Variants in NDFIP2 observed in about 807,000 individuals in gnomAD.
The protein encoded by NDFIP2 is NEDD4 family-interacting protein 2.
NDFIP2 carries 19 observed loss-of-function variants against 36.0 expected under a neutral mutation model. That is an observed-to-expected ratio of 0.53 (90% confidence interval 0.37 to 0.77). NDFIP2 has a LOEUF of 0.77. Among genes scored for constraint, NDFIP2 ranks in the 30% least tolerant of loss-of-function variants. The pLI, the probability that NDFIP2 is intolerant of heterozygous loss-of-function variation, is 0.00. For synonymous variants in NDFIP2, 181 were observed against 167.7 expected, an observed-to-expected ratio of 1.08 and a Z score of -0.61; for missense variants, 446 against 435.8, an observed-to-expected ratio of 1.02 and a Z score of -0.21.
At chr13:79,547,101 C>T (rs1469837743) in intron 5 of NDFIP2, among the ~76,000 whole-genome samples, 2 of 151,714 alleles carry the variant, frequency 1.3e-5, no homozygotes, top group Non-Finnish European at 2.9e-5. Flanking sequence ...ACTGAAATTA[C>T]TATAAATGGT....
chr13:79,518,384 G>A (rs1482713778), intron 1 of NDFIP2, among the ~76,000 whole-genome samples: 1 of 152,130 alleles, frequency 6.6e-6, no homozygotes, highest in African/African-American at 2.4e-5. Context: ...TTTAGGCATG[G>A]TTATGACAGT....
intron 7 of NDFIP2, 93 bp from the exon 8 acceptor site, chr13:79,552,423 A>G (rs1407381618): frequency 6.6e-6 from 1 of 151,790 alleles, no homozygotes; most frequent in Non-Finnish European, 1.5e-5. Context: ...TATATACTTA[A>G]TATAATTCTT....
rs1875965713 is a variant in NDFIP2 at position 79,553,042 on chromosome 13, T to G, written c.*529T>G. 1 of 151,832 alleles carries G rather than the reference T, an allele frequency of 6.6e-6. No homozygotes were observed. The highest frequency in any genetic ancestry group is 1.5e-5 in the Non-Finnish European group (1 of 67,450). 9.4% of individuals were successfully genotyped at this position (151,832 alleles called of 1,614,324 possible). On this transcript the variant is annotated 3_prime_UTR_variant, in exon 8 of 8. Coordinates refer to ENST00000218652, the MANE Select transcript of NDFIP2 (RefSeq NM_019080.3). ...GATTATTAGAAAGGATTTGTCAGAT[T>G]TTTGAACATGATATTTACATTATTA... is the stretch of plus-strand genomic sequence containing the variant.
intron 1 of NDFIP2, among the ~76,000 whole-genome samples, chr13:79,491,117 C>A (rs1357074954): frequency 6.6e-6 from 1 of 152,132 alleles, no homozygotes; most frequent in African/African-American, 2.4e-5. Context: ...TTTCCTACCT[C>A]CCTTCTTTCT....
rs1345623745 is a variant in NDFIP2, at chr13:79,552,546, C to T, written c.*33C>T. On this transcript the variant is annotated 3_prime_UTR_variant, in exon 8 of 8. Transcript: ENST00000218652. ...ATCAACCCGACATTCCTTTCTTATACCAATGTGAAATTTCCAGATCATCTG... is the reference window on the plus strand; with the variant it reads ...ATCAACCCGACATTCCTTTCTTATATCAATGTGAAATTTCCAGATCATCTG... 2 of 151,840 alleles carry T rather than the reference C, an allele frequency of 1.3e-5. No individual in the cohort carries two copies. Among genetic ancestry groups the T allele is most frequent in the South Asian group, 2.1e-4 (1 of 4,818 alleles). The allele number at this position is 151,840 out of a possible 1,614,324, so 9.4% of individuals were successfully genotyped here. A position where few individuals can be genotyped will look rare whatever the true frequency, so the allele number is the denominator to read the frequency against.
chr13:79,544,526 A>G (rs139618146), intron 5 of NDFIP2, among the ~76,000 whole-genome samples: 36 of 151,822 alleles, frequency 2.4e-4, no homozygotes, highest in African/African-American at 7.0e-4. Context: ...ATCTAGGAGA[A>G]TGATCAAGAG....
intron 1 of NDFIP2, among the ~76,000 whole-genome samples, chr13:79,519,654 G>A (rs995051663): frequency 6.6e-6 from 1 of 152,202 alleles, no homozygotes; most frequent in Non-Finnish European, 1.5e-5. Flanking sequence ...CTAGGTTGTT[G>A]TGGAGATTCA....
chr13:79,507,412 T>C lies in NDFIP2; in HGVS notation c.322-13398T>C, dbSNP rs1186227257. ...CCTCAGCCTCCCAAGTAGCTGGGAC[T>C]ACAGGCGCCCGCCACTACGCCCGGC... On this transcript the variant is annotated intron_variant, in intron 1 of 7. Coordinates refer to ENST00000218652, the MANE Select transcript of NDFIP2 (RefSeq NM_019080.3). Among the ~76,000 whole-genome samples the C allele has an allele frequency of 3.2e-5, 2 of 63,454 alleles. 1 individual carries two copies. The highest frequency in any genetic ancestry group is 3.4e-4 in the Admixed American group (2 of 5,920). The allele number at this position is 63,454 out of a possible 152,430, so 41.6% of individuals were successfully genotyped here.
At chr13:79,503,054 C>T (rs1873727340) in intron 1 of NDFIP2, among the ~76,000 whole-genome samples, 1 of 151,970 alleles carries the variant, frequency 6.6e-6, no homozygotes, top group African/African-American at 2.4e-5. Context: ...GAGTGAAGAA[C>T]ATAAGTTAGG....
At chr13:79,507,272 T>TAG (rs1471561176) in intron 1 of NDFIP2, among the ~76,000 whole-genome samples, 618 of 46,830 alleles carry the variant, frequency 0.013, 23 homozygotes, top group African/African-American at 0.025. Flanking sequence ...ATTGAGTTTT[T>TAG]TTTTTTTTTT....
At chr13:79,498,138 T>C (rs927522448) in intron 1 of NDFIP2, among the ~76,000 whole-genome samples, 1 of 151,884 alleles carries the variant, frequency 6.6e-6, no homozygotes, top group Non-Finnish European at 1.5e-5. Context: ...TGAATTTTTA[T>C]TGGAGGCATC....
chr13:79,534,414 AT>A (rs1266653459), intron 3 of NDFIP2, among the ~76,000 whole-genome samples: 2 of 136,264 alleles, frequency 1.5e-5, no homozygotes, highest in East Asian at 4.4e-4. Flanking sequence ...ATGATCAAGC[AT>A]TCTGTCTTCC....
At chr13:79,522,904 A>AT (rs1014227945) in intron 2 of NDFIP2, among the ~76,000 whole-genome samples, 34 of 152,310 alleles carry the variant, frequency 2.2e-4, no homozygotes, top group African/African-American at 7.9e-4. Context: ...TCAAGAGGAG[A>AT]GGAATTCATC....
At chr13:79,528,009 A>G (rs535134985) in intron 2 of NDFIP2, among the ~76,000 whole-genome samples, 1 of 152,164 alleles carries the variant, frequency 6.6e-6, no homozygotes, top group Non-Finnish European at 1.5e-5. Context: ...CATGCCTATA[A>G]TTCCAGTACT....
intron 1 of NDFIP2, among the ~76,000 whole-genome samples, chr13:79,505,047 A>C (rs984874305): frequency 2.2e-4 from 34 of 152,206 alleles, no homozygotes; most frequent in Middle Eastern, 3.2e-3. Flanking sequence ...GCCATAGAGC[A>C]TTCAGATAAT....
chr13:79,489,026 T>C lies in NDFIP2; in HGVS notation c.321+7502T>C, dbSNP rs111436921. On this transcript the variant is annotated intron_variant, in intron 1 of 7. Transcript: ENST00000218652. ...CATGAGACACAAACAAGTTAAATAA[T>C]AGGCCCAGCTGTGATGGAGCTGGTA... Among the ~76,000 whole-genome samples the C allele has an allele frequency of 5.9e-5, 9 of 152,322 alleles. 2 individuals carry two copies. Among genetic ancestry groups the C allele is most frequent in the African/African-American group, 2.2e-4 (9 of 41,570 alleles).
intron 3 of NDFIP2, among the ~76,000 whole-genome samples, chr13:79,538,865 A>G (rs1470948314): frequency 7.2e-5 from 11 of 152,238 alleles, no homozygotes; most frequent in African/African-American, 2.7e-4. Flanking sequence ...TATAGGCGTG[A>G]GCCACAGCGC....
chr13:79,510,115 A>G (rs548766228), intron 1 of NDFIP2, among the ~76,000 whole-genome samples: 1 of 152,196 alleles, frequency 6.6e-6, no homozygotes, highest in South Asian at 2.1e-4. Context: ...TTAGAATTTT[A>G]TGTTTGGTTT....
chr13:79,544,215 T>C (rs560543090), intron 5 of NDFIP2, among the ~76,000 whole-genome samples: 1 of 152,152 alleles, frequency 6.6e-6, no homozygotes, highest in Non-Finnish European at 1.5e-5. Context: ...CATTGAGAGC[T>C]CAAAAGTGAA....
Sources: gnomAD v4.1 joint callset for allele counts (sites outside exome capture counted in the v4.1 genomes callset) on GRCh38, gnomAD v4.1.1 for gene constraint, MANE v1.5 for transcripts, NCBI Gene and HGNC (gene_info 2026-07-23, HGNC 2026-07-21) for gene names.